Variants in SPECC1 observed in about 807,000 individuals in gnomAD.
The protein encoded by SPECC1 is sperm antigen with calponin homology and coiled-coil domains 1.
A neutral mutation model predicts 104.1 loss-of-function variants in SPECC1; 62 were observed. The ratio of observed to expected loss-of-function variants is 0.60; its 90% CI spans 0.49 to 0.74. The LOEUF is 0.74. Among genes scored for constraint, SPECC1 ranks in the 30% least tolerant of loss-of-function variants. SPECC1 has a pLI of 0.00. For synonymous variants in SPECC1, 513 were observed against 501.6 expected (o/e 1.02, Z -0.30); for missense variants, 1,306 against 1,310.5 (o/e 1.00, Z 0.05).
At chr17:20,051,088 CTTTCTTTCTTTCT>C (rs2045739449) in intron 1 of SPECC1, among the ~76,000 whole-genome samples, 1 of 91,090 alleles carries the variant, frequency 1.1e-5, no homozygotes. Flanking sequence ...TTCTTTCTTT[CTTTCTTTCTTTCT>C]TTCTTTCTTT....
intron 3 of SPECC1, among the ~76,000 whole-genome samples, chr17:20,131,784 G>A (rs1351066696): frequency 6.6e-6 from 1 of 151,624 alleles, no homozygotes; most frequent in Non-Finnish European, 1.5e-5. Flanking sequence ...CAAGTAGCTG[G>A]GATTACAGGT....
intron 1 of SPECC1, among the ~76,000 whole-genome samples, chr17:20,029,679 T>G (rs1359244063): frequency 6.6e-6 from 1 of 152,178 alleles, no homozygotes; most frequent in Non-Finnish European, 1.5e-5. Context: ...ACCTGTCCAT[T>G]TCATCTAAGT....
intron 1 of SPECC1, among the ~76,000 whole-genome samples, chr17:20,065,655 A>G (rs2046332640): frequency 6.6e-6 from 1 of 152,200 alleles, no homozygotes; most frequent in African/African-American, 2.4e-5. Flanking sequence ...TAGGCACCAC[A>G]ACCATGTAGA....
At chr17:20,088,119 G>A (rs2047249016) in intron 1 of SPECC1, among the ~76,000 whole-genome samples, 1 of 152,156 alleles carries the variant, frequency 6.6e-6, no homozygotes, top group Non-Finnish European at 1.5e-5. Flanking sequence ...GGGCCAGGAA[G>A]CCTAGGAGCT....
In SPECC1 at chr17:20,314,901, C is replaced by T. The variant is rs1232679830; in HGVS notation, c.*836C>T. On this transcript the variant is annotated 3_prime_UTR_variant, in exon 15 of 15. Transcript: ENST00000395527. ...AAAGCCTGTGAGAATGCAAGGGAGC[C>T]CCTGGCTGCTTTGCTGGAGTCCCTG... The T allele has an allele frequency of 1.3e-5, 3 of 232,322 alleles. No individual in the cohort carries two copies. The highest frequency in any genetic ancestry group is 5.6e-5 in the Admixed American group (1 of 17,756). 14.4% of individuals were successfully genotyped at this position (232,322 alleles called of 1,614,324 possible).
At chr17:20,267,559 C>T (rs1414227557) in intron 12 of SPECC1, among the ~76,000 whole-genome samples, 1 of 151,932 alleles carries the variant, frequency 6.6e-6, no homozygotes, top group African/African-American at 2.4e-5. Context: ...CAAGTGATGT[C>T]TCTGGCTTGT....
chr17:20,236,834 TCTCC>T, intron 7 of SPECC1: 1 of 1,613,756 alleles, frequency 6.2e-7, no homozygotes, highest in Non-Finnish European at 8.5e-7. Context: ...CTTTACAGCC[TCTCC>T]CTCCCGTTTC....
In SPECC1 at chr17:20,205,024, G is replaced by A. The variant is rs747758618; in HGVS notation, c.975G>A (p.Ser325=). 5.0e-6 allele frequency: 8 copies of A among 1,614,020 alleles called. No homozygotes were observed. The highest frequency in any genetic ancestry group is 3.3e-5 in the South Asian group (3 of 91,050). Residue 325 remains serine (S), a synonymous_variant, in exon 4 of 15, where the codon TCG becomes TCA. Coordinates refer to ENST00000395527, the MANE Select transcript of SPECC1 (RefSeq NM_001243439.2). The stretch of plus-strand genomic sequence containing the variant: ...GCGATGTTACCAAAGCTTCTTTGTC[G>A]CCAGATGCTTCCGACTTTGAGCACA... ...SSSDVTKASL[S]PDASDFEHIT... is the part of the protein sequence containing the mutation.
intron 1 of SPECC1, among the ~76,000 whole-genome samples, chr17:20,081,599 G>C (rs1185705974): frequency 6.6e-6 from 1 of 152,086 alleles, no homozygotes; most frequent in Non-Finnish European, 1.5e-5. Flanking sequence ...AGTGTGGAAA[G>C]ATTAGCCAGG....
chr17:20,200,890 TAA>T (rs752221811), intron 3 of SPECC1, among the ~76,000 whole-genome samples: 26 of 125,152 alleles, frequency 2.1e-4, no homozygotes, highest in Admixed American at 3.3e-4. Context: ...ACAGACATAG[TAA>T]AAAAAAAAAA....
At chr17:20,122,090 G>A (rs918909659) in intron 3 of SPECC1, among the ~76,000 whole-genome samples, 2 of 152,152 alleles carry the variant, frequency 1.3e-5, no homozygotes, top group Non-Finnish European at 2.9e-5. Flanking sequence ...CAGAGATGAC[G>A]GCTGGCCCGT....
chr17:20,249,261 T>C (rs1446015248), intron 9 of SPECC1, among the ~76,000 whole-genome samples: 1 of 151,814 alleles, frequency 6.6e-6, no homozygotes, highest in Non-Finnish European at 1.5e-5. Context: ...CTACTAAAAA[T>C]ACAAAAATCA....
At chr17:20,017,368 G>A (rs537611126) in intron 1 of SPECC1, 197 of 152,684 alleles carry the variant, frequency 1.3e-3, no homozygotes, top group African/African-American at 4.6e-3. Flanking sequence ...AACACTCGCC[G>A]CGAAGGTCTG....
At chr17:20,066,482 G>A (rs534326371) in intron 1 of SPECC1, among the ~76,000 whole-genome samples, 3 of 152,136 alleles carry the variant, frequency 2.0e-5, no homozygotes, top group Non-Finnish European at 2.9e-5. Context: ...TCATCCATCC[G>A]GCTCCTGGAG....
intron 7 of SPECC1, among the ~76,000 whole-genome samples, chr17:20,245,280 T>A (rs777683065): frequency 6.6e-6 from 1 of 152,166 alleles, no homozygotes; most frequent in Non-Finnish European, 1.5e-5. Context: ...GACAGGAGCC[T>A]TAACTTCAGA....
At chr17:20,216,603 C>T (rs979617355) in intron 4 of SPECC1, among the ~76,000 whole-genome samples, 1 of 152,048 alleles carries the variant, frequency 6.6e-6, no homozygotes, top group Non-Finnish European at 1.5e-5. Flanking sequence ...TCCTCTGGGC[C>T]CTGCGTAGGA....
At chr17:20,210,992 G>T (rs1027615897) in intron 4 of SPECC1, among the ~76,000 whole-genome samples, 2 of 152,224 alleles carry the variant, frequency 1.3e-5, no homozygotes, top group Non-Finnish European at 2.9e-5. Flanking sequence ...CTTCAGCGAG[G>T]CATTCAGCTC....
chr17:20,128,287 A>T (rs1277307176), intron 3 of SPECC1, among the ~76,000 whole-genome samples: 1 of 152,238 alleles, frequency 6.6e-6, no homozygotes, highest in Non-Finnish European at 1.5e-5. Flanking sequence ...TGAATAAAGC[A>T]AAGTACTGTC....
At chr17:20,142,223 A>G (rs2030899258) in intron 3 of SPECC1, among the ~76,000 whole-genome samples, 1 of 152,246 alleles carries the variant, frequency 6.6e-6, no homozygotes. Context: ...CATTGTTTTT[A>G]TTAAGATGAT....
Sources: gnomAD v4.1 joint callset for allele counts (sites outside exome capture counted in the v4.1 genomes callset) on GRCh38, gnomAD v4.1.1 for gene constraint, MANE v1.5 for transcripts, NCBI Gene and HGNC (gene_info 2026-07-23, HGNC 2026-07-21) for gene names.